The following ST6GALNAC5 variants were observed in gnomAD, a reference collection of about 807,000 sequenced individuals.
ST6GALNAC5 encodes alpha-N-acetylgalactosaminide alpha-2,6-sialyltransferase 5.
A neutral mutation model predicts 33.6 loss-of-function variants in ST6GALNAC5; 27 were observed. The ratio of observed to expected loss-of-function variants is 0.80; its 90% CI spans 0.59 to 1.11. The LOEUF is 1.11. Ranked by LOEUF, ST6GALNAC5 falls within the 50% of genes least tolerant of loss-of-function variation. The pLI is 0.00. For synonymous variants in ST6GALNAC5, 194 were observed against 171.2 expected (o/e 1.13, Z -1.04); for missense variants, 428 against 454.0 (o/e 0.94, Z 0.52).
At chr1:76,997,501 G>A (rs1192271542) in intron 2 of ST6GALNAC5, among the ~76,000 whole-genome samples, 4 of 152,122 alleles carry the variant, frequency 2.6e-5, no homozygotes, top group African/African-American at 9.7e-5. Context: ...CCTGCCATAT[G>A]GATTGAAACT....
rs375740033 is a variant in ST6GALNAC5, at chr1:76,955,107, A to C, written c.261+86365A>C. Among the ~76,000 whole-genome samples the C allele has an allele frequency of 1.1e-4, 17 of 152,276 alleles. No individual in the cohort carries two copies. The East Asian group carries it at 2.3e-3, about 21-fold the overall frequency. On this transcript the variant is annotated intron_variant, in intron 2 of 4. Transcript: ENST00000477717. ...ATTACCATTGTGAAAAGCGGCATGAAGGAAAAAAAGCAGATGTAGTGGTTT... is the reference window on the plus strand; with the variant it reads ...ATTACCATTGTGAAAAGCGGCATGACGGAAAAAAAGCAGATGTAGTGGTTT...
rs202155843 is a variant in ST6GALNAC5 at position 76,998,746 on chromosome 1, AG to A, written c.262-45457del. Among the ~76,000 whole-genome samples the A allele has an allele frequency of 4.5e-3, 687 of 152,332 alleles. 8 individuals are homozygous for A. Among genetic ancestry groups the A allele is most frequent in the African/African-American group, 0.016 (659 of 41,572 alleles). Reference sequence around the variant, plus strand: ...CCATCAAAAATCCAGAGGCATTAAAAGTTCCATGACTAATATGTGTGAAATG... The same window carrying A: ...CCATCAAAAATCCAGAGGCATTAAAATTCCATGACTAATATGTGTGAAATG... On this transcript the variant is annotated intron_variant, in intron 2 of 4. Coordinates refer to ENST00000477717, the MANE Select transcript of ST6GALNAC5 (RefSeq NM_030965.3).
At chr1:76,962,737 GT>G (rs1372213802) in intron 2 of ST6GALNAC5, among the ~76,000 whole-genome samples, 1 of 152,128 alleles carries the variant, frequency 6.6e-6, no homozygotes, top group Non-Finnish European at 1.5e-5. Context: ...CAAAGAGATG[GT>G]GTTAATTTGG....
chr1:76,932,370 G>A (rs758044242), intron 2 of ST6GALNAC5, among the ~76,000 whole-genome samples: 1 of 152,108 alleles, frequency 6.6e-6, no homozygotes, highest in African/African-American at 2.4e-5. Flanking sequence ...GCCTACATGA[G>A]GAAGTAGATG....
chr1:76,960,415 C>T (rs994899846), intron 2 of ST6GALNAC5, among the ~76,000 whole-genome samples: 2 of 151,992 alleles, frequency 1.3e-5, no homozygotes, highest in African/African-American at 4.8e-5. Flanking sequence ...GGAGGCAGGG[C>T]GAGATCACAG....
At chr1:76,904,404 A>T (rs1646845652) in intron 2 of ST6GALNAC5, among the ~76,000 whole-genome samples, 1 of 152,224 alleles carries the variant, frequency 6.6e-6, no homozygotes, top group African/African-American at 2.4e-5. Flanking sequence ...TATTAGCCCC[A>T]AATATCCATC....
intron 2 of ST6GALNAC5, among the ~76,000 whole-genome samples, chr1:76,957,958 A>G (rs1287309249): frequency 2.0e-5 from 3 of 151,844 alleles, no homozygotes; most frequent in South Asian, 4.2e-4. Flanking sequence ...TTTTCATGAT[A>G]CTCATATTTT....
chr1:76,970,169 C>T (rs558990280), intron 2 of ST6GALNAC5, among the ~76,000 whole-genome samples: 6 of 152,096 alleles, frequency 3.9e-5, no homozygotes, highest in East Asian at 3.9e-4. Flanking sequence ...TGCAGCCCCT[C>T]GCCAGCAACA....
At chr1:76,954,059 A>G (rs1190960740) in intron 2 of ST6GALNAC5, among the ~76,000 whole-genome samples, 2 of 152,150 alleles carry the variant, frequency 1.3e-5, no homozygotes, top group Non-Finnish European at 2.9e-5. Flanking sequence ...GGTTTAAACT[A>G]TATTGTATGT....
At chr1:76,944,100 C>T (rs1647427733) in intron 2 of ST6GALNAC5, among the ~76,000 whole-genome samples, 1 of 152,002 alleles carries the variant, frequency 6.6e-6, no homozygotes. Flanking sequence ...CCCAAGGTTG[C>T]CCAATGCAAT....
chr1:76,924,556 C>T (rs1647066295), intron 2 of ST6GALNAC5, among the ~76,000 whole-genome samples: 1 of 152,126 alleles, frequency 6.6e-6, no homozygotes. Context: ...TTGCCTGTCA[C>T]CTTTTCTCTA....
rs530063137 is a variant in ST6GALNAC5, at chr1:77,037,598, T to C, written c.262-6606T>C. Among the ~76,000 whole-genome samples the C allele has an allele frequency of 7.2e-5, 11 of 152,284 alleles. No individual in the cohort carries two copies. In the East Asian group the frequency reaches 1.9e-3, roughly 27 times the overall value. On this transcript the variant is annotated intron_variant, in intron 2 of 4. Coordinates refer to ENST00000477717, the MANE Select transcript of ST6GALNAC5 (RefSeq NM_030965.3). ...ATAAAAATAAATATAAAATAAAGTT[T>C]GGCTTCTTATTCCAAAAGCAATAAG...
intron 2 of ST6GALNAC5, among the ~76,000 whole-genome samples, chr1:76,883,826 G>A (rs1054134562): frequency 6.6e-6 from 1 of 152,156 alleles, no homozygotes; most frequent in Non-Finnish European, 1.5e-5. Flanking sequence ...CAGGACCCAG[G>A]AAGCAAGGAA....
intron 2 of ST6GALNAC5, among the ~76,000 whole-genome samples, chr1:76,875,264 A>T (rs909040140): frequency 6.6e-6 from 1 of 152,092 alleles, no homozygotes; most frequent in African/African-American, 2.4e-5. Flanking sequence ...TGGTGGAGTG[A>T]CCCAAGCCTT....
At chr1:76,917,364 G>A (rs1049597674) in intron 2 of ST6GALNAC5, among the ~76,000 whole-genome samples, 12 of 152,050 alleles carry the variant, frequency 7.9e-5, no homozygotes, top group Non-Finnish European at 1.3e-4. Flanking sequence ...CTCAAGCAAC[G>A]AAAAATTAGG....
In ST6GALNAC5 at chr1:76,960,680, C is replaced by T. The variant is rs565678813; in HGVS notation, c.262-83524C>T. On this transcript the variant is annotated intron_variant, in intron 2 of 4. Coordinates refer to ENST00000477717, the MANE Select transcript of ST6GALNAC5 (RefSeq NM_030965.3). ...TTTCAGAGGCCTACCCTCAGGGATGCATTCTCTTTCTCAGGGATGTTCCTT... is the reference window on the plus strand; with the variant it reads ...TTTCAGAGGCCTACCCTCAGGGATGTATTCTCTTTCTCAGGGATGTTCCTT... Among the ~76,000 whole-genome samples, 3 of 152,270 alleles carry T rather than the reference C, an allele frequency of 2.0e-5. No homozygotes were observed. In the East Asian group the frequency reaches 5.8e-4, roughly 29 times the overall value.
Position 76,867,581 on chromosome 1 carries a change from C to A in ST6GALNAC5, c.-95C>A. On this transcript the variant is annotated 5_prime_UTR_variant, in exon 1 of 5. Transcript: ENST00000477717. ...GCCGGCTGCTGGGCAAAAATCAGAG[C>A]CGCCTCCGCCCCATTACCCATCATG... 9 of 1,599,498 alleles carry A rather than the reference C, an allele frequency of 5.6e-6. 1 individual carries two copies. In the South Asian group the frequency reaches 9.9e-5, roughly 18 times the overall value.
chr1:76,983,321 A>C (rs1206803324), intron 2 of ST6GALNAC5, among the ~76,000 whole-genome samples: 1 of 152,194 alleles, frequency 6.6e-6, no homozygotes, highest in Non-Finnish European at 1.5e-5. Context: ...AGGAAGATCT[A>C]CCAAGCAAAT....
intron 2 of ST6GALNAC5, among the ~76,000 whole-genome samples, chr1:77,034,023 C>CAGAG (rs1341857035): frequency 6.6e-6 from 1 of 152,064 alleles, no homozygotes; most frequent in Non-Finnish European, 1.5e-5. Flanking sequence ...GGGTGTTAGG[C>CAGAG]AGAGGGTAGC....
Sources: allele counts gnomAD v4.1 joint callset (sites outside exome capture counted in the v4.1 genomes callset), GRCh38; gene constraint gnomAD v4.1.1; transcripts MANE v1.5; gene names NCBI Gene and HGNC (gene_info 2026-07-23, HGNC 2026-07-21).